The following ZEB1 variants were observed in gnomAD, a reference collection of about 807,000 sequenced individuals.
The protein encoded by ZEB1 is zinc finger E-box-binding homeobox 1.
ZEB1 carries 21 observed loss-of-function variants against 84.9 expected under a neutral mutation model. The ratio of observed to expected loss-of-function variants is 0.25; its 90% CI spans 0.18 to 0.36. The LOEUF (loss-of-function observed/expected upper bound fraction) is 0.36, where lower values mean the gene tolerates loss of function less well. Among genes scored for constraint, ZEB1 ranks in the 10% least tolerant of loss-of-function variants. The pLI, the probability that ZEB1 is intolerant of heterozygous loss-of-function variation, is 1.00. For synonymous variants in ZEB1, 420 were observed against 471.1 expected (o/e 0.89, Z 1.41); for missense variants, 1,104 against 1,330.2 (o/e 0.83, Z 2.65).
chr10:31,363,663 C>T, intron 1 of ZEB1: 2 of 1,407,146 alleles, frequency 1.4e-6, no homozygotes, highest in South Asian at 2.5e-5. Context: ...GAAGGTTAAA[C>T]TTGCCTCTGA....
At position 31,524,129 on chromosome 10, in the gene ZEB1, C is replaced by G. The variant is rs1369707321; in HGVS notation, c.2785+16C>G. ...GAACACACAGGTATGTCAGTGAACA[C>G]AAACATAAAGTGTCCATGATATGAT... On this transcript the variant is annotated intron_variant, in intron 8 of 8. Coordinates refer to ENST00000424869, the MANE Select transcript of ZEB1 (RefSeq NM_001174096.2). 6.2e-7 allele frequency: 1 copy of G among 1,609,430 alleles called. No homozygotes were observed. Among genetic ancestry groups the G allele is most frequent in the Non-Finnish European group, 8.5e-7 (1 of 1,177,492 alleles).
chr10:31,377,861 A>G (rs1024876851), intron 1 of ZEB1, among the ~76,000 whole-genome samples: 6 of 151,702 alleles, frequency 4.0e-5, no homozygotes, highest in African/African-American at 1.4e-4. Context: ...TTAAATAATG[A>G]CAGCAGTCAT....
chr10:31,413,523 T>C (rs1057433496), intron 1 of ZEB1, among the ~76,000 whole-genome samples: 8 of 151,914 alleles, frequency 5.3e-5, no homozygotes, highest in African/African-American at 9.7e-5. Context: ...GGTGTAGAAA[T>C]AGAAAGCAAA....
At chr10:31,372,461 A>G (rs2045895718) in intron 1 of ZEB1, among the ~76,000 whole-genome samples, 1 of 152,098 alleles carries the variant, frequency 6.6e-6, no homozygotes, top group Admixed American at 6.5e-5. Flanking sequence ...ATCAAGAGAA[A>G]AAGAACCTAA....
intron 1 of ZEB1, among the ~76,000 whole-genome samples, chr10:31,425,401 A>G (rs2136127793): frequency 6.6e-6 from 1 of 152,246 alleles, no homozygotes; most frequent in Non-Finnish European, 1.5e-5. Context: ...ATCGCAATTC[A>G]GTTTTCCCTA....
chr10:31,459,772 T>G (rs2061613052), intron 1 of ZEB1, among the ~76,000 whole-genome samples: 1 of 151,928 alleles, frequency 6.6e-6, no homozygotes. Flanking sequence ...GTTATTTGTT[T>G]TCACCTTTAA....
At position 31,527,511 on chromosome 10, in the gene ZEB1, A is replaced by C; in HGVS notation, c.*247A>C. 1.9e-6 allele frequency: 1 copy of C among 520,108 alleles called. No homozygotes were observed. Among genetic ancestry groups the C allele is most frequent in the Non-Finnish European group, 3.4e-6 (1 of 297,494 alleles). 32.2% of individuals were successfully genotyped at this position (520,108 alleles called of 1,614,324 possible). On this transcript the variant is annotated 3_prime_UTR_variant, in exon 9 of 9. Transcript: ENST00000424869. ...TAGTAATTTTTCATGCAGTTTTCAA[A>C]GTTAGGAACAAGTTTGTAACATGCA...
At chr10:31,421,046 A>G (rs1162920192) in intron 1 of ZEB1, among the ~76,000 whole-genome samples, 4 of 152,186 alleles carry the variant, frequency 2.6e-5, no homozygotes, top group East Asian at 1.9e-4. Context: ...GCTGAAAAAC[A>G]TAAACTCATC....
chr10:31,350,518 T>A (rs2041141172), intron 1 of ZEB1, among the ~76,000 whole-genome samples: 1 of 152,160 alleles, frequency 6.6e-6, no homozygotes, highest in Non-Finnish European at 1.5e-5. Context: ...TCATGGAGAC[T>A]TTGGTAAAAT....
At chr10:31,366,750 C>G (rs2044581241) in intron 1 of ZEB1, among the ~76,000 whole-genome samples, 1 of 152,150 alleles carries the variant, frequency 6.6e-6, no homozygotes, top group Non-Finnish European at 1.5e-5. Context: ...TAGCAAAGAT[C>G]TTTTTCTTCT....
chr10:31,318,936 C>T (rs2032883640), upstream of ZEB1: 1 of 483,554 alleles, frequency 2.1e-6, no homozygotes. Flanking sequence ...TGACCGCGTC[C>T]CTACGGTTTC....
At chr10:31,412,254 A>G (rs1322161549) in intron 1 of ZEB1, among the ~76,000 whole-genome samples, 3 of 152,130 alleles carry the variant, frequency 2.0e-5, no homozygotes. Flanking sequence ...AAATTGATAA[A>G]ATACACCTCT....
At chr10:31,416,180 C>G (rs1420516590) in intron 1 of ZEB1, among the ~76,000 whole-genome samples, 2 of 151,868 alleles carry the variant, frequency 1.3e-5, no homozygotes, top group African/African-American at 2.4e-5. Context: ...CAAAGACTAT[C>G]GTGACTATTT....
intron 1 of ZEB1, among the ~76,000 whole-genome samples, chr10:31,384,747 A>G (rs2048322922): frequency 1.3e-5 from 2 of 152,184 alleles, no homozygotes; most frequent in South Asian, 4.1e-4. Flanking sequence ...AAATGAGGCA[A>G]GGGATCCATT....
chr10:31,362,751 A>G (rs896305311), intron 1 of ZEB1: 1 of 594,466 alleles, frequency 1.7e-6, no homozygotes, highest in Non-Finnish European at 3.1e-6. Context: ...TCAGGTCTCA[A>G]TCTCTTGATC....
intron 2 of ZEB1, among the ~76,000 whole-genome samples, chr10:31,479,778 A>G (rs1409520680): frequency 6.6e-6 from 1 of 151,996 alleles, no homozygotes; most frequent in Non-Finnish European, 1.5e-5. Flanking sequence ...TAAGTTCTTA[A>G]AAGAATCATA....
rs1358750329 is a variant in ZEB1 at position 31,469,183 on chromosome 10, G to C, written c.259+7946G>C. ...CAGAAGAAAGATTTCAGAGCTTGAC[G>C]ACTAGTCTTTCAAATTAACCCAATC... is the stretch of plus-strand genomic sequence containing the variant. On this transcript the variant is annotated intron_variant, in intron 2 of 8. Transcript: ENST00000424869. Among the ~76,000 whole-genome samples the C allele has an allele frequency of 2.0e-5, 3 of 152,134 alleles. No homozygotes were observed. In the East Asian group the frequency reaches 5.8e-4, roughly 29 times the overall value.
chr10:31,517,195 G>C (rs1291799107), intron 6 of ZEB1, among the ~76,000 whole-genome samples: 4 of 151,972 alleles, frequency 2.6e-5, no homozygotes, highest in African/African-American at 7.3e-5. Flanking sequence ...CTTTTGAAAA[G>C]ATGTTGAGAA....
At chr10:31,445,623 G>T (rs557114000) in intron 1 of ZEB1, among the ~76,000 whole-genome samples, 1 of 152,092 alleles carries the variant, frequency 6.6e-6, no homozygotes, top group South Asian at 2.1e-4. Context: ...TTTTTAGCAT[G>T]AAGTGTTGTT....
Sources: allele counts gnomAD v4.1 joint callset (sites outside exome capture counted in the v4.1 genomes callset), GRCh38; gene constraint gnomAD v4.1.1; transcripts MANE v1.5; gene names NCBI Gene and HGNC (gene_info 2026-07-23, HGNC 2026-07-21).